The following SORCS2 variants were observed in gnomAD, a reference collection of about 807,000 sequenced individuals.
SORCS2 encodes the protein sortilin related VPS10 domain containing receptor 2.
Under a neutral mutation model 141.6 loss-of-function variants are expected in SORCS2, and 100 were observed. The observed-to-expected ratio is 0.71, with a 90% CI of 0.60 to 0.83. SORCS2 has a LOEUF of 0.83. Ranked by LOEUF, SORCS2 falls within the 40% of genes least tolerant of loss-of-function variation. The probability of loss-of-function intolerance (pLI) is 0.00; values close to 1 mark genes in which losing one functional copy is unlikely to be tolerated. For missense variants in SORCS2, 1,646 were observed against 1,560.2 expected, an observed-to-expected ratio of 1.05 and a Z score of -0.93; for synonymous variants, 789 against 676.9, an observed-to-expected ratio of 1.17 and a Z score of -2.57.
At chr4:7,221,437 G>A (rs752805928) in intron 1 of SORCS2, among the ~76,000 whole-genome samples, 12 of 152,238 alleles carry the variant, frequency 7.9e-5, no homozygotes, top group Admixed American at 1.3e-4. Flanking sequence ...AGAGACCGCC[G>A]TAGTGACCTT....
intron 17 of SORCS2, among the ~76,000 whole-genome samples, chr4:7,716,685 G>GTCCATCCATCCA (rs34499695): frequency 0.01 from 1,565 of 151,272 alleles, 8 homozygotes; most frequent in Middle Eastern, 0.024. Context: ...TTCATTCACC[G>GTCCATCCATCCA]TCCATCCATC....
intron 1 of SORCS2, among the ~76,000 whole-genome samples, chr4:7,260,543 A>G (rs186013976): frequency 1.3e-5 from 2 of 152,368 alleles, no homozygotes; most frequent in Admixed American, 1.3e-4. Context: ...GAATGAATGA[A>G]TGAGTGAACG....
At chr4:7,692,250 C>T (rs1724304435) in intron 11 of SORCS2, among the ~76,000 whole-genome samples, 1 of 152,222 alleles carries the variant, frequency 6.6e-6, no homozygotes, top group South Asian at 2.1e-4. Flanking sequence ...CGTGACCGCA[C>T]TGCTGGAGGT....
At chr4:7,434,549 C>T (rs1005953195) in intron 2 of SORCS2, 3 of 1,613,374 alleles carry the variant, frequency 1.9e-6, no homozygotes, top group Non-Finnish European at 2.5e-6. Flanking sequence ...TGGGCATCCA[C>T]CATCCACTTG....
chr4:7,679,945 C>G (rs1365984821), intron 9 of SORCS2, among the ~76,000 whole-genome samples: 1 of 152,174 alleles, frequency 6.6e-6, no homozygotes, highest in Non-Finnish European at 1.5e-5. Flanking sequence ...TATAAAATGG[C>G]AGTTACCCAA....
chr4:7,465,774 A>G (rs946426780), intron 2 of SORCS2, among the ~76,000 whole-genome samples: 7 of 152,340 alleles, frequency 4.6e-5, no homozygotes, highest in African/African-American at 1.7e-4. Flanking sequence ...CAAGATGGTG[A>G]ATAGAACGCA....
rs757064728 is a variant in SORCS2 at position 7,724,115 on chromosome 4, A to ATGGTGGTGG, written c.2611+250_2611+258dup. On this transcript the variant is annotated intron_variant, in intron 19 of 26. Coordinates refer to ENST00000507866, the MANE Select transcript of SORCS2 (RefSeq NM_020777.3). ...GGTGATATTGATGATAGTGGTGGTG[A>ATGGTGGTGG]TGGTGGTGGTGGTGGTGGTGGTGGT... Among the ~76,000 whole-genome samples the ATGGTGGTGG allele has an allele frequency of 3.4e-5, 5 of 145,216 alleles. No individual in the cohort carries two copies. In the East Asian group the frequency reaches 1.1e-3, roughly 32 times the overall value.
At chr4:7,606,751 T>C (rs139136695) in intron 3 of SORCS2, among the ~76,000 whole-genome samples, 233 of 152,074 alleles carry the variant, frequency 1.5e-3, no homozygotes, top group Non-Finnish European at 2.2e-3. Flanking sequence ...AGTTATATTC[T>C]TCAAGCAGAG....
chr4:7,638,847 C>T (rs1437976390), intron 4 of SORCS2, among the ~76,000 whole-genome samples: 2 of 152,228 alleles, frequency 1.3e-5, no homozygotes, highest in South Asian at 2.1e-4. Flanking sequence ...ACTTCCAGAA[C>T]ATTGCGCACA....
rs148566516 is a variant in SORCS2, at chr4:7,667,474, C to T, written c.1161+261C>T. Among the ~76,000 whole-genome samples, 347 of 152,316 alleles carry T rather than the reference C, an allele frequency of 2.3e-3. 1 individual carries two copies. Among genetic ancestry groups the T allele is most frequent in the African/African-American group, 7.8e-3 (326 of 41,564 alleles). On this transcript the variant is annotated intron_variant, in intron 8 of 26. Transcript: ENST00000507866. ...CTGCCTGGTTCATCTTTCCCCGGAA[C>T]CCTTGCACATGTGGTATTTGAGGAG...
chr4:7,208,932 G>C, intron 1 of SORCS2, among the ~76,000 whole-genome samples: 1 of 152,186 alleles, frequency 6.6e-6, no homozygotes, highest in East Asian at 1.9e-4. Context: ...AGCGTGTGGA[G>C]GGCCCCACCT....
intron 3 of SORCS2, among the ~76,000 whole-genome samples, chr4:7,593,443 C>T (rs1032245389): frequency 4.6e-5 from 7 of 152,190 alleles, no homozygotes; most frequent in South Asian, 2.1e-4. Context: ...AGGGCAGGAC[C>T]GCCTCCTGGC....
At chr4:7,723,531 G>C (rs1386820763) in intron 18 of SORCS2, among the ~76,000 whole-genome samples, 166 bp from the exon 19 acceptor site, 1 of 152,198 alleles carries the variant, frequency 6.6e-6, no homozygotes, top group East Asian at 1.9e-4. Context: ...AGAATCTCCA[G>C]GGCAGAACCA....
chr4:7,315,456 T>C (rs1035442925), intron 1 of SORCS2, among the ~76,000 whole-genome samples: 1 of 152,238 alleles, frequency 6.6e-6, no homozygotes, highest in Non-Finnish European at 1.5e-5. Flanking sequence ...ACTGACTGGC[T>C]GTCTGCTCTG....
Position 7,611,472 on chromosome 4 carries a change from G to T in SORCS2, c.649-26856G>T, listed in dbSNP as rs80238620. 8.8e-3 allele frequency among the ~76,000 whole-genome samples: 1,335 copies of T among 152,246 alleles called. 31 individuals are homozygous for T. The highest frequency in any genetic ancestry group is 0.031 in the African/African-American group (1,277 of 41,514). ...CTGCCCAGCACGGTGCCCAGCCCAG[G>T]AGCTGTTGGGAGCAGGTCTCTGGTT... is the stretch of plus-strand genomic sequence containing the variant. On this transcript the variant is annotated intron_variant, in intron 3 of 26. Coordinates refer to ENST00000507866, the MANE Select transcript of SORCS2 (RefSeq NM_020777.3).
intron 1 of SORCS2, among the ~76,000 whole-genome samples, chr4:7,257,860 G>A (rs753261443): frequency 2.6e-5 from 4 of 152,160 alleles, no homozygotes; most frequent in Non-Finnish European, 5.9e-5. Flanking sequence ...AACGAGAGGC[G>A]CCGACAGGAG....
At chr4:7,611,764 G>A (rs1718420008) in intron 3 of SORCS2, among the ~76,000 whole-genome samples, 1 of 152,256 alleles carries the variant, frequency 6.6e-6, no homozygotes, top group Non-Finnish European at 1.5e-5. Context: ...CAGTTTCAGT[G>A]CCCGTGAATG....
chr4:7,471,988 C>G (rs143619720), intron 2 of SORCS2, among the ~76,000 whole-genome samples: 172 of 151,154 alleles, frequency 1.1e-3, no homozygotes, highest in African/African-American at 4.1e-3. Context: ...GGCCCAGGAC[C>G]CGATTCAGCG....
intron 1 of SORCS2, among the ~76,000 whole-genome samples, chr4:7,334,132 G>T (rs186782163): frequency 1.1e-3 from 169 of 152,232 alleles, no homozygotes; most frequent in African/African-American, 3.9e-3. Context: ...CCACGAGGGC[G>T]GCACAAGTGA....
Sources: gnomAD v4.1 joint callset for allele counts (sites outside exome capture counted in the v4.1 genomes callset) on GRCh38, gnomAD v4.1.1 for gene constraint, MANE v1.5 for transcripts, NCBI Gene and HGNC (gene_info 2026-07-23, HGNC 2026-07-21) for gene names.